The following KYNU variants were observed in gnomAD, a reference collection of about 807,000 sequenced individuals.
KYNU encodes kynureninase, also known as L-kynurenine hydrolase.
KYNU carries 54 observed loss-of-function variants against 59.2 expected under a neutral mutation model. The ratio of observed to expected loss-of-function variants is 0.91; its 90% confidence interval spans 0.73 to 1.14. The LOEUF is 1.14. Ranked by LOEUF, KYNU falls within the 50% of genes most tolerant of loss-of-function variation. The pLI, the probability that KYNU is intolerant of heterozygous loss-of-function variation, is 0.00. For missense variants in KYNU, 567 were observed against 554.4 expected, an observed-to-expected ratio of 1.02 and a Z score of -0.23; for synonymous variants, 177 against 192.0, an observed-to-expected ratio of 0.92 and a Z score of 0.65.
chr2:142,972,291 C>T (rs1446771410), intron 8 of KYNU, among the ~76,000 whole-genome samples: 1 of 152,050 alleles, frequency 6.6e-6, no homozygotes, highest in South Asian at 2.1e-4. Flanking sequence ...TTCCTTTCTT[C>T]CAAACCCTTT....
At chr2:142,993,856 C>T (rs1482849783) in intron 10 of KYNU, among the ~76,000 whole-genome samples, 3 of 151,908 alleles carry the variant, frequency 2.0e-5, no homozygotes, top group African/African-American at 4.8e-5. Context: ...GCTTGTAAAT[C>T]GCTACTCTCA....
rs1399112382 is a variant in KYNU at position 143,046,323 on chromosome 2, A to T, written c.*4151A>T. The stretch of plus-strand genomic sequence containing the variant: ...ATATTCTGCTTTTGCACATATTTTT[A>T]GATTCATCCATTTGTGGCATGTAGC... On this transcript the variant is annotated 3_prime_UTR_variant, in exon 14 of 14. Transcript: ENST00000264170. 1 of 152,168 alleles carries T rather than the reference A, an allele frequency of 6.6e-6. No individual in the cohort carries two copies. The allele number at this position is 152,168 out of a possible 1,614,324, so 9.4% of individuals were successfully genotyped here. A position where few individuals can be genotyped will look rare whatever the true frequency, so the allele number is the denominator to read the frequency against.
chr2:143,033,400 C>G (rs555595118), intron 12 of KYNU, 79 bp downstream of exon 12: 1 of 996,230 alleles, frequency 1.0e-6, no homozygotes, highest in Non-Finnish European at 1.6e-6. Flanking sequence ...AGTACTTTCT[C>G]TGCTACACAG....
chr2:142,992,633 T>TAC (rs930021592), intron 10 of KYNU, among the ~76,000 whole-genome samples: 1 of 151,802 alleles, frequency 6.6e-6, no homozygotes, highest in African/African-American at 2.4e-5. Flanking sequence ...TGTGTATACA[T>TAC]ACACACACAC....
intron 10 of KYNU, among the ~76,000 whole-genome samples, chr2:143,025,082 A>G (rs981487758): frequency 6.6e-6 from 1 of 151,438 alleles, no homozygotes; most frequent in Admixed American, 6.6e-5. Flanking sequence ...TGATTTCTGC[A>G]TGCTCATTTT....
At chr2:143,026,882 G>C (rs1686589239) in intron 10 of KYNU, among the ~76,000 whole-genome samples, 1 of 152,170 alleles carries the variant, frequency 6.6e-6, no homozygotes, top group South Asian at 2.1e-4. Flanking sequence ...ACGAAGTTAC[G>C]CCACCAAGCT....
intron 4 of KYNU, among the ~76,000 whole-genome samples, chr2:142,943,064 A>G (rs1267475524): frequency 6.6e-6 from 1 of 151,686 alleles, no homozygotes; most frequent in East Asian, 1.9e-4. Context: ...GCTGATCACG[A>G]GTTTCAGGTT....
At chr2:142,947,548 A>G (rs977264751) in intron 4 of KYNU, 2 of 186,816 alleles carry the variant, frequency 1.1e-5, no homozygotes, top group Non-Finnish European at 2.2e-5. Flanking sequence ...TTTGGAATGC[A>G]AAAACATTCA....
chr2:143,038,972 A>G lies in KYNU; in HGVS notation c.1042-1456A>G, dbSNP rs1331712112. ...TTTGCAGTTCATTTAGTTCTTATAC[A>G]TAGGATATATTTTTACACTCTACTT... is the stretch of plus-strand genomic sequence containing the variant. On this transcript the variant is annotated intron_variant, in intron 12 of 13. Transcript: ENST00000264170. Among the ~76,000 whole-genome samples the G allele has an allele frequency of 2.6e-5, 4 of 152,244 alleles. No homozygotes were observed. In the East Asian group the frequency reaches 5.8e-4, roughly 22 times the overall value.
intron 4 of KYNU, chr2:142,947,121 AC>A: frequency 6.4e-7 from 1 of 1,551,026 alleles, no homozygotes; most frequent in Non-Finnish European, 8.7e-7. Context: ...ACCCTTACAG[AC>A]CCCCAACACA....
intron 10 of KYNU, among the ~76,000 whole-genome samples, chr2:143,028,400 C>T (rs1371413959): frequency 2.0e-5 from 3 of 150,254 alleles, no homozygotes; most frequent in African/African-American, 2.4e-5. Flanking sequence ...TATGCCACCA[C>T]GCCCGTCTAA....
At chr2:142,968,997 A>G (rs1291354594) in intron 8 of KYNU, among the ~76,000 whole-genome samples, 1 of 152,188 alleles carries the variant, frequency 6.6e-6, no homozygotes, top group African/African-American at 2.4e-5. Context: ...GATCCATTTC[A>G]TGCACACAAT....
chr2:142,934,343 A>T lies in KYNU; in HGVS notation c.373+6602A>T, dbSNP rs1248088227. ...CGGATGGGGGATAAGGAAAAGTTGC[A>T]TGTTTTAAGGTGGCAGGTTGGAGGA... On this transcript the variant is annotated intron_variant, in intron 4 of 13. Coordinates refer to ENST00000264170, the MANE Select transcript of KYNU (RefSeq NM_003937.3). Among the ~76,000 whole-genome samples the T allele has an allele frequency of 2.6e-5, 4 of 152,096 alleles. No individual in the cohort carries two copies. The East Asian group carries it at 7.7e-4, about 29-fold the overall frequency.
chr2:142,928,561 G>A (rs1184981497), intron 4 of KYNU, among the ~76,000 whole-genome samples: 4 of 152,158 alleles, frequency 2.6e-5, no homozygotes, highest in African/African-American at 9.7e-5. Context: ...AACGTGGCTG[G>A]AAGGGAAATG....
intron 2 of KYNU, among the ~76,000 whole-genome samples, chr2:142,900,067 G>T (rs71423221): frequency 0.028 from 4,207 of 152,250 alleles, 123 homozygotes; most frequent in African/African-American, 0.076. Context: ...TGCAGTGAGT[G>T]TTATAGCTCT....
At chr2:143,038,941 G>T (rs115055949) in intron 12 of KYNU, among the ~76,000 whole-genome samples, 2 of 152,098 alleles carry the variant, frequency 1.3e-5, no homozygotes, top group Non-Finnish European at 2.9e-5. Context: ...AGTGCATCAC[G>T]CTCTGTTTGC....
At chr2:142,938,484 A>G (rs1683468058) in intron 4 of KYNU, among the ~76,000 whole-genome samples, 2 of 152,244 alleles carry the variant, frequency 1.3e-5, no homozygotes, top group African/African-American at 4.8e-5. Context: ...TTTACAGCTC[A>G]GCATTTGCCT....
intron 2 of KYNU, among the ~76,000 whole-genome samples, chr2:142,902,775 G>C (rs1309081792): frequency 2.0e-5 from 3 of 152,208 alleles, no homozygotes; most frequent in African/African-American, 7.2e-5. Flanking sequence ...CAAAGGACAA[G>C]ACTGTTCAGG....
At chr2:142,889,746 A>G (rs1681643296) in intron 2 of KYNU, among the ~76,000 whole-genome samples, 1 of 152,234 alleles carries the variant, frequency 6.6e-6, no homozygotes, top group Non-Finnish European at 1.5e-5. Context: ...ATGGTAAAGC[A>G]TGTTGGATTA....
Sources: allele counts gnomAD v4.1 joint callset (sites outside exome capture counted in the v4.1 genomes callset), GRCh38; gene constraint gnomAD v4.1.1; transcripts MANE v1.5; gene names NCBI Gene and HGNC (gene_info 2026-07-23, HGNC 2026-07-21).